LUZP2: variants seen among roughly 807,000 people sequenced by gnomAD.
The protein encoded by LUZP2 is leucine zipper protein 2.
In LUZP2, 52 loss-of-function variants were observed where a neutral mutation model predicts 51.6. The ratio of observed to expected loss-of-function variants is 1.01; its 90% CI spans 0.81 to 1.27. LUZP2 has a LOEUF of 1.27. LUZP2 is among the 50% of genes most tolerant of loss of function. The pLI, the probability that LUZP2 is intolerant of heterozygous loss-of-function variation, is 0.00. For missense variants in LUZP2, 436 were observed against 395.4 expected, an observed-to-expected ratio of 1.10 and a Z score of -0.87; for synonymous variants, 154 against 137.3, an observed-to-expected ratio of 1.12 and a Z score of -0.85.
At chr11:24,873,624 A>G (rs972042) in intron 5 of LUZP2, among the ~76,000 whole-genome samples, 61,865 of 151,774 alleles carry the variant, frequency 0.41, 14,594 homozygotes, top group East Asian at 0.65. Flanking sequence ...AAACATCCTC[A>G]TGGGTCAGAG....
At chr11:24,810,496 T>C (rs932261172) in intron 5 of LUZP2, among the ~76,000 whole-genome samples, 2 of 152,164 alleles carry the variant, frequency 1.3e-5, no homozygotes, top group African/African-American at 2.4e-5. Flanking sequence ...GCCATTTAAT[T>C]TAATTGAGAA....
chr11:24,786,348 A>T (rs922615866), intron 5 of LUZP2: 72 of 982,300 alleles, frequency 7.3e-5, no homozygotes, highest in Non-Finnish European at 8.5e-5. Flanking sequence ...TCATGGGCAT[A>T]TCTAATAAAT....
At chr11:25,063,169 C>A (rs1012780571) in intron 10 of LUZP2, among the ~76,000 whole-genome samples, 1 of 151,632 alleles carries the variant, frequency 6.6e-6, no homozygotes, top group Admixed American at 6.6e-5. Context: ...AGTGTAACAA[C>A]TATTTACATC....
chr11:24,562,991 C>T lies in LUZP2; in HGVS notation c.62+65686C>T, dbSNP rs189513945. On this transcript the variant is annotated intron_variant, in intron 1 of 11. Transcript: ENST00000336930. ...ACTAGGCTTCTTGCATTTCTGCAAA[C>T]TACTTGCAAAAATGGCTTGAACGGA... 2.6e-3 allele frequency among the ~76,000 whole-genome samples: 403 copies of T among 152,230 alleles called. 2 individuals are homozygous for T. The highest frequency in any genetic ancestry group is 9.3e-3 in the African/African-American group (385 of 41,554).
At chr11:24,880,089 A>C (rs940074681) in intron 5 of LUZP2, among the ~76,000 whole-genome samples, 2 of 152,152 alleles carry the variant, frequency 1.3e-5, no homozygotes, top group Non-Finnish European at 2.9e-5. Context: ...GCCCCAAAGC[A>C]CTTTAGGCCA....
intron 1 of LUZP2, among the ~76,000 whole-genome samples, chr11:24,711,215 C>T (rs1437758567): frequency 1.3e-5 from 2 of 151,928 alleles, no homozygotes; most frequent in Non-Finnish European, 2.9e-5. Context: ...TTTGGGAGGC[C>T]AAGGCGGGCG....
chr11:24,918,348 C>G (rs967166390), intron 7 of LUZP2, among the ~76,000 whole-genome samples: 2 of 151,858 alleles, frequency 1.3e-5, no homozygotes, highest in Non-Finnish European at 2.9e-5. Context: ...GCCTGATTGC[C>G]CTGGCCAGAA....
At chr11:24,729,770 T>A (rs2716463) in intron 2 of LUZP2, among the ~76,000 whole-genome samples, 113,846 of 151,756 alleles carry the variant, frequency 0.75, 43,607 homozygotes, top group African/African-American at 0.88. Flanking sequence ...AGGGTAAAAA[T>A]AGTTTCATAA....
At chr11:24,595,420 A>G (rs1409323740) in intron 1 of LUZP2, among the ~76,000 whole-genome samples, 1 of 152,172 alleles carries the variant, frequency 6.6e-6, no homozygotes, top group East Asian at 1.9e-4. Flanking sequence ...GGTTTACATT[A>G]GTCTCAGGTC....
intron 5 of LUZP2, among the ~76,000 whole-genome samples, chr11:24,834,337 C>A (rs1486735387): frequency 6.6e-6 from 1 of 152,066 alleles, no homozygotes; most frequent in Non-Finnish European, 1.5e-5. Context: ...TGAGTGAGAA[C>A]ATGCAATGCT....
chr11:24,850,718 C>A lies in LUZP2; in HGVS notation c.397-55273C>A, dbSNP rs140191809. ...CTATAAATTACTTTGGGCCATATGT[C>A]CATTTTCACGATATTGATTCTTCCT... On this transcript the variant is annotated intron_variant, in intron 5 of 11. Coordinates refer to ENST00000336930, the MANE Select transcript of LUZP2 (RefSeq NM_001009909.4). Among the ~76,000 whole-genome samples the A allele has an allele frequency of 3.2e-3, 493 of 152,196 alleles. 3 individuals are homozygous for A. The highest frequency in any genetic ancestry group is 0.011 in the African/African-American group (477 of 41,524).
intron 1 of LUZP2, among the ~76,000 whole-genome samples, chr11:24,619,008 AT>A (rs10545505): frequency 0.26 from 19,607 of 76,800 alleles, 1,634 homozygotes; most frequent in Middle Eastern, 0.32. Context: ...ACTTAGCATT[AT>A]TTATTTATTT....
intron 5 of LUZP2, among the ~76,000 whole-genome samples, chr11:24,895,388 T>G (rs1853007077): frequency 1.3e-5 from 2 of 152,126 alleles, no homozygotes; most frequent in African/African-American, 4.8e-5. Flanking sequence ...TCTTTTAGAT[T>G]CAGGGGGTGC....
At chr11:24,628,701 G>A (rs1854772237) in intron 1 of LUZP2, among the ~76,000 whole-genome samples, 1 of 152,124 alleles carries the variant, frequency 6.6e-6, no homozygotes, top group Non-Finnish European at 1.5e-5. Context: ...TGGGATTAAA[G>A]CCACACAACA....
At chr11:24,904,090 C>A (rs1049958699) in intron 5 of LUZP2, among the ~76,000 whole-genome samples, 1 of 152,130 alleles carries the variant, frequency 6.6e-6, no homozygotes, top group Admixed American at 6.5e-5. Flanking sequence ...ACATTCCCAG[C>A]AACTGTGCAT....
At chr11:24,892,114 C>A (rs938668938) in intron 5 of LUZP2, 7 of 985,622 alleles carry the variant, frequency 7.1e-6, no homozygotes, top group Non-Finnish European at 8.4e-6. Context: ...GTTTGATAGG[C>A]TCTCACTGTG....
In LUZP2 at chr11:24,650,428, A is replaced by G. The variant is rs548573474; in HGVS notation, c.63-78741A>G. Among the ~76,000 whole-genome samples, 6 of 152,156 alleles carry G rather than the reference A, an allele frequency of 3.9e-5. No homozygotes were observed. The East Asian group carries it at 1.2e-3, about 29-fold the overall frequency. ...ACAACACACACAGACACACACACAT[A>G]CTAATAACAGACAACTGATAAAGTG... is the stretch of plus-strand genomic sequence containing the variant. On this transcript the variant is annotated intron_variant, in intron 1 of 11. Coordinates refer to ENST00000336930, the MANE Select transcript of LUZP2 (RefSeq NM_001009909.4).
intron 5 of LUZP2, among the ~76,000 whole-genome samples, chr11:24,821,557 C>T (rs1459347002): frequency 6.6e-6 from 1 of 152,058 alleles, no homozygotes; most frequent in Non-Finnish European, 1.5e-5. Context: ...GATCTTGCCT[C>T]ATGCTGTTAA....
At chr11:24,497,824 C>T (rs948046788) in intron 1 of LUZP2, among the ~76,000 whole-genome samples, 1 of 152,194 alleles carries the variant, frequency 6.6e-6, no homozygotes, top group Non-Finnish European at 1.5e-5. Context: ...CATGTTTCAA[C>T]GTCTTGGATA....
Sources: allele counts gnomAD v4.1 joint callset (sites outside exome capture counted in the v4.1 genomes callset), GRCh38; gene constraint gnomAD v4.1.1; transcripts MANE v1.5; gene names NCBI Gene and HGNC (gene_info 2026-07-23, HGNC 2026-07-21).